Variants in FBXO8 observed in about 807,000 individuals in gnomAD.
FBXO8 encodes F-box only protein 8.
Under a neutral mutation model 33.4 loss-of-function variants are expected in FBXO8, and 15 were observed. The ratio of observed to expected loss-of-function variants is 0.45; its 90% CI spans 0.30 to 0.69. The LOEUF (loss-of-function observed/expected upper bound fraction) is 0.69. Among genes scored for constraint, FBXO8 ranks in the 30% least tolerant of loss-of-function variants. The probability of loss-of-function intolerance (pLI) is 0.08; values close to 1 mark genes in which losing one functional copy is unlikely to be tolerated. For missense variants in FBXO8, 274 were observed against 380.3 expected, an observed-to-expected ratio of 0.72 and a Z score of 2.32; for synonymous variants, 132 against 131.5, an observed-to-expected ratio of 1.00 and a Z score of -0.02.
chr4:174,240,878 G>A (rs541048500), intron 4 of FBXO8, among the ~76,000 whole-genome samples: 1 of 151,684 alleles, frequency 6.6e-6, no homozygotes, highest in South Asian at 2.1e-4. Context: ...CTTCCATTTT[G>A]TGTACATGTG....
rs531738760 is a variant in FBXO8, at chr4:174,254,255, A to G, written c.456+5444T>C. 8.9e-4 allele frequency among the ~76,000 whole-genome samples: 136 copies of G among 152,298 alleles called. No individual in the cohort carries two copies. The highest frequency in any genetic ancestry group is 2.4e-3 in the African/African-American group (98 of 41,572). The stretch of plus-strand genomic sequence containing the variant: ...GTTTATCTTTCTCTTTCTTTATGCT[A>G]TCTGGCATTGTTTGAAGTATGTGTG... On this transcript the variant is annotated intron_variant, in intron 3 of 5. Coordinates refer to ENST00000393674, the MANE Select transcript of FBXO8 (RefSeq NM_012180.3). This position sits in a 1 kb window ranked among gnomAD's most constrained non-coding sequence, Gnocchi z 4.2.
chr4:174,269,628 C>G (rs567466609), intron 1 of FBXO8, among the ~76,000 whole-genome samples: 1 of 148,920 alleles, frequency 6.7e-6, no homozygotes, highest in African/African-American at 2.5e-5. Context: ...GAGGTTGCAC[C>G]GAGCCGAGAA....
chr4:174,260,641 T>C (rs933253614), intron 2 of FBXO8, among the ~76,000 whole-genome samples: 5 of 151,942 alleles, frequency 3.3e-5, no homozygotes, highest in African/African-American at 1.2e-4. Context: ...ACACTGCAGA[T>C]TGGGATACTT....
In FBXO8 at chr4:174,257,763, T is replaced by C. The variant is rs1396193; in HGVS notation, c.456+1936A>G. On this transcript the variant is annotated intron_variant, in intron 3 of 5. Transcript: ENST00000393674. The surrounding 1 kb of genome is among the most constrained non-coding windows in gnomAD (Gnocchi z 4.3). ...TACATATCTTTATTATGATTATGAT[T>C]ATTATCATTGAGACAGAGTCTCACT... Among the ~76,000 whole-genome samples the C allele has an allele frequency of 0.18, 27,443 of 152,060 alleles. 3,001 individuals carry two copies. The highest frequency in any genetic ancestry group is 0.59 in the East Asian group (3,028 of 5,162).
chr4:174,253,491 C>T lies in FBXO8; in HGVS notation c.456+6208G>A, dbSNP rs144577400. On this transcript the variant is annotated intron_variant, in intron 3 of 5. Transcript: ENST00000393674. The surrounding 1 kb of genome is among the most constrained non-coding windows in gnomAD (Gnocchi z 4.5). ...CAACCAAATTGTTGTGCCACAGGTGCCAATGTTCCTCCTTTGGATACTAAG... is the reference window on the plus strand; with the variant it reads ...CAACCAAATTGTTGTGCCACAGGTGTCAATGTTCCTCCTTTGGATACTAAG... Among the ~76,000 whole-genome samples the T allele has an allele frequency of 6.6e-6, 1 of 152,256 alleles. No individual in the cohort carries two copies. Among genetic ancestry groups the T allele is most frequent in the Non-Finnish European group, 1.5e-5 (1 of 68,000 alleles).
intron 1 of FBXO8, among the ~76,000 whole-genome samples, chr4:174,279,547 C>T (rs1360677566): frequency 6.6e-6 from 1 of 151,916 alleles, no homozygotes; most frequent in Non-Finnish European, 1.5e-5. Flanking sequence ...AATAGTCAAA[C>T]CAAACTTGAA....
rs771572016 is a variant in FBXO8 at position 174,239,006 on chromosome 4, C to T, written c.760G>A (p.Gly254Ser). 2.2e-5 allele frequency: 35 copies of T among 1,562,288 alleles called. No individual in the cohort carries two copies. Among genetic ancestry groups the T allele is most frequent in the Non-Finnish European group, 2.9e-5 (33 of 1,152,632 alleles). The change falls in exon 5 of 6, where the codon GGC becomes AGC. Residue 254 changes from glycine to serine, a missense_variant. Gly to Ser is a moderately conservative substitution (Grantham distance 56). This residue lies in a region of FBXO8 where 186 missense variants were observed against 293.4 expected (regional missense o/e 0.63). Transcript: ENST00000393674. ...TATATATTCTTACCAGGACTAAGGC[C>T]AAGTTCTCGCATTAAATCAGGGTTG... is the stretch of plus-strand genomic sequence containing the variant. ...ACNPDLMREL[G>S]LSPDAVYVLC...
Position 174,272,905 on chromosome 4 carries a change from T to C in FBXO8, c.-8-9805A>G, listed in dbSNP as rs1278365839. Among the ~76,000 whole-genome samples the C allele has an allele frequency of 1.3e-5, 2 of 152,170 alleles. No homozygotes were observed. Among genetic ancestry groups the C allele is most frequent in the African/African-American group, 4.8e-5 (2 of 41,448 alleles). ...TGATGCCCTGAGGACACAACATCAT[T>C]ATATAGTATTCCAGCCAAAAATCCA... On this transcript the variant is annotated intron_variant, in intron 1 of 5. Transcript: ENST00000393674. This position sits in a 1 kb window ranked among gnomAD's most constrained non-coding sequence, Gnocchi z 4.7.
At position 174,239,190 on chromosome 4, in the gene FBXO8, C is replaced by A; in HGVS notation, c.576G>T (p.Arg192Ser). 2.0e-6 allele frequency: 3 copies of A among 1,510,562 alleles called. No individual in the cohort carries two copies. Among genetic ancestry groups the A allele is most frequent in the South Asian group, 1.3e-5 (1 of 75,366 alleles). 93.6% of individuals were successfully genotyped at this position (1,510,562 alleles called of 1,614,324 possible). A position where few individuals can be genotyped will look rare whatever the true frequency, so the allele number is the denominator to read the frequency against. ...WKKLRIYLDE[R>S]RDVLDDLVTL... ...TTACAAGGTCATCCAAGACATCTCT[C>A]CTACAGAAAGAAAAAAAGGCACAGC... Residue 192 changes from arginine (R) to serine (S), a missense_variant and splice_region_variant, in exon 5 of 6, where the codon AGG becomes AGT. Physicochemically the swap from Arg to Ser is moderately radical, Grantham distance 110. Around this residue, in one of 2 missense-constraint regions of FBXO8, gnomAD observed 186 missense variants for 293.4 expected, o/e 0.63. Transcript: ENST00000393674.
Position 174,281,034 on chromosome 4 carries a change from C to T in FBXO8, c.-9+2376G>A, listed in dbSNP as rs1046586023. Among the ~76,000 whole-genome samples, 3 of 151,926 alleles carry T rather than the reference C, an allele frequency of 2.0e-5. No individual in the cohort carries two copies. The highest frequency in any genetic ancestry group is 4.8e-5 in the African/African-American group (2 of 41,336). On this transcript the variant is annotated intron_variant, in intron 1 of 5. Coordinates refer to ENST00000393674, the MANE Select transcript of FBXO8 (RefSeq NM_012180.3). This position sits in a 1 kb window ranked among gnomAD's most constrained non-coding sequence, Gnocchi z 4.6. ...GGTTAAGATGGTAAATTTTATGTTACGTATATTTTACTACAATTTAAAAAT... is the reference window on the plus strand; with the variant it reads ...GGTTAAGATGGTAAATTTTATGTTATGTATATTTTACTACAATTTAAAAAT...
At chr4:174,260,360 C>T (rs1302698764) in intron 2 of FBXO8, among the ~76,000 whole-genome samples, 1 of 151,962 alleles carries the variant, frequency 6.6e-6, no homozygotes, top group African/African-American at 2.4e-5. Context: ...AACCTATGTG[C>T]TCTATTGTGA....
intron 1 of FBXO8, among the ~76,000 whole-genome samples, chr4:174,268,420 TTTTTG>T (rs567209508): frequency 3.9e-5 from 6 of 152,034 alleles, no homozygotes; most frequent in African/African-American, 7.2e-5. Context: ...TGGGGGCCAT[TTTTTG>T]TTTTGTTTTG....
chr4:174,264,842 G>A (rs576444203), intron 1 of FBXO8, among the ~76,000 whole-genome samples: 237 of 149,352 alleles, frequency 1.6e-3, no homozygotes, highest in African/African-American at 5.4e-3. Flanking sequence ...ACAAGCCACG[G>A]ACCAGGAGAA....
At chr4:174,248,977 T>C (rs1272611013) in intron 3 of FBXO8, among the ~76,000 whole-genome samples, 1 of 151,954 alleles carries the variant, frequency 6.6e-6, no homozygotes, top group African/African-American at 2.4e-5. Context: ...ATAGGACAGG[T>C]CTTCCTGCTT....
In FBXO8 at chr4:174,252,221, G is replaced by T. The variant is rs531686425; in HGVS notation, c.456+7478C>A. Among the ~76,000 whole-genome samples, 1 of 152,090 alleles carries T rather than the reference G, an allele frequency of 6.6e-6. No individual in the cohort carries two copies. The highest frequency in any genetic ancestry group is 6.5e-5 in the Admixed American group (1 of 15,268). ...TGAGCTCAAGTTATCCACCCACCTT[G>T]GTCTCCCAAATTGCTAGGATGACAG... On this transcript the variant is annotated intron_variant, in intron 3 of 5. Coordinates refer to ENST00000393674, the MANE Select transcript of FBXO8 (RefSeq NM_012180.3). The surrounding 1 kb of genome is among the most constrained non-coding windows in gnomAD (Gnocchi z 5.1).
rs886350025 is a variant in FBXO8, at chr4:174,253,879, G to A, written c.456+5820C>T. On this transcript the variant is annotated intron_variant, in intron 3 of 5. Transcript: ENST00000393674. This position sits in a 1 kb window ranked among gnomAD's most constrained non-coding sequence, Gnocchi z 4.5. ...TTCTTTGTACTGGGGACACTATTATGGGGGAAGTGATATTTTGAGTTGTGG... is the reference window on the plus strand; with the variant it reads ...TTCTTTGTACTGGGGACACTATTATAGGGGAAGTGATATTTTGAGTTGTGG... Among the ~76,000 whole-genome samples the A allele has an allele frequency of 1.3e-5, 2 of 152,142 alleles. No homozygotes were observed. The highest frequency in any genetic ancestry group is 4.8e-5 in the African/African-American group (2 of 41,426).
At position 174,278,487 on chromosome 4, in the gene FBXO8, G is replaced by A. The variant is rs563201395; in HGVS notation, c.-9+4923C>T. Reference sequence around the variant, plus strand: ...TGCAACCAAAAATCTAAGAATTTTAGGCTTATTCAATTTCTGTGGTTTGTT... The same window carrying A: ...TGCAACCAAAAATCTAAGAATTTTAAGCTTATTCAATTTCTGTGGTTTGTT... On this transcript the variant is annotated intron_variant, in intron 1 of 5. Transcript: ENST00000393674. The surrounding 1 kb of genome is among the most constrained non-coding windows in gnomAD (Gnocchi z 4.1). 5.3e-5 allele frequency among the ~76,000 whole-genome samples: 8 copies of A among 152,106 alleles called. No homozygotes were observed. In the South Asian group the frequency reaches 1.7e-3, roughly 32 times the overall value.
rs70947421 is a variant in FBXO8 at position 174,246,593 on chromosome 4, A to AT, written c.457-5376dup. On this transcript the variant is annotated intron_variant, in intron 3 of 5. Transcript: ENST00000393674. The stretch of plus-strand genomic sequence containing the variant: ...AAATTAAAGGGAAAAAAGAGAAAGT[A>AT]TTTTTTTTTCAAGATAATTATGACC... Among the ~76,000 whole-genome samples the AT allele has an allele frequency of 4.0e-4, 60 of 151,292 alleles. 1 individual carries two copies. Among genetic ancestry groups the AT allele is most frequent in the South Asian group, 8.3e-4 (4 of 4,798 alleles).
rs1736863759 is a variant in FBXO8, at chr4:174,272,602, A to C, written c.-8-9502T>G. Among the ~76,000 whole-genome samples, 1 of 152,186 alleles carries C rather than the reference A, an allele frequency of 6.6e-6. No homozygotes were observed. Among genetic ancestry groups the C allele is most frequent in the Non-Finnish European group, 1.5e-5 (1 of 68,024 alleles). ...AAGGAGAAGGAAAGCTCTTTTTTAGAGTAGAATTCTAATTAAAGAAGATAG... is the reference window on the plus strand; with the variant it reads ...AAGGAGAAGGAAAGCTCTTTTTTAGCGTAGAATTCTAATTAAAGAAGATAG... On this transcript the variant is annotated intron_variant, in intron 1 of 5. Coordinates refer to ENST00000393674, the MANE Select transcript of FBXO8 (RefSeq NM_012180.3). This position sits in a 1 kb window ranked among gnomAD's most constrained non-coding sequence, Gnocchi z 4.7.
Sources: allele counts gnomAD v4.1 joint callset (sites outside exome capture counted in the v4.1 genomes callset), GRCh38; gene constraint gnomAD v4.1.1; regional missense constraint gnomAD v4.1.1; non-coding constraint Gnocchi (gnomAD v3.1); transcripts MANE v1.5; gene names NCBI Gene and HGNC (gene_info 2026-07-23, HGNC 2026-07-21).